KAT6A: variants seen among roughly 807,000 people sequenced by gnomAD.
KAT6A encodes histone acetyltransferase KAT6A.
In KAT6A, 9 loss-of-function variants were observed where a neutral mutation model predicts 198.4. The observed-to-expected ratio is 0.05, with a 90% confidence interval of 0.03 to 0.08. The LOEUF (loss-of-function observed/expected upper bound fraction) is 0.08, where lower values mean the gene tolerates loss of function less well. Ranked by LOEUF, KAT6A falls within the 10% of genes least tolerant of loss-of-function variation. KAT6A has a pLI of 1.00. For synonymous variants in KAT6A, 890 were observed against 883.0 expected (o/e 1.01, Z -0.14); for missense variants, 2,077 against 2,509.9 (o/e 0.83, Z 3.69).
intron 2 of KAT6A, among the ~76,000 whole-genome samples, chr8:42,004,113 T>C (rs1825626613): frequency 6.6e-6 from 1 of 152,234 alleles, no homozygotes; most frequent in Non-Finnish European, 1.5e-5. Flanking sequence ...TGTATAAGGA[T>C]ATTTAGTTAG....
At chr8:42,036,815 A>G (rs1401965351) in intron 2 of KAT6A, among the ~76,000 whole-genome samples, 1 of 152,192 alleles carries the variant, frequency 6.6e-6, no homozygotes, top group Admixed American at 6.5e-5. Flanking sequence ...GAGGGTAAGG[A>G]GAAAGAAAGG....
chr8:41,946,527 C>CAT (rs1393331812), intron 12 of KAT6A, 64 bp downstream of exon 12: 3 of 787,544 alleles, frequency 3.8e-6, no homozygotes, highest in Middle Eastern at 2.7e-4. Flanking sequence ...CACACACACA[C>CAT]ACACACACAC....
intron 2 of KAT6A, among the ~76,000 whole-genome samples, chr8:42,033,511 C>A (rs1027977196): frequency 1.3e-5 from 2 of 152,142 alleles, no homozygotes; most frequent in African/African-American, 2.4e-5. Context: ...TATGTGCATA[C>A]AATGTTTTGC....
intron 5 of KAT6A, 116 bp from the exon 6 acceptor site, chr8:41,978,893 A>T: frequency 2.4e-6 from 2 of 838,078 alleles, no homozygotes; most frequent in Non-Finnish European, 3.7e-6. Flanking sequence ...TCATTAGAAA[A>T]TCTGATGAAT....
rs1329450304 is a variant in KAT6A, at chr8:41,933,108, C to G, written c.5112G>C (p.Gln1704His). The G allele has an allele frequency of 2.6e-5, 33 of 1,275,736 alleles. No individual in the cohort carries two copies. Among genetic ancestry groups the G allele is most frequent in the Non-Finnish European group, 3.4e-5 (32 of 936,436 alleles). The allele number at this position is 1,275,736 out of a possible 1,614,324, so 79.0% of individuals were successfully genotyped here. The change falls in exon 17 of 17, where the codon CAG (glutamine) becomes CAC (histidine). Residue 1704 changes from glutamine (Q) to histidine (H), a missense_variant. Gln to His is a conservative substitution (Grantham distance 24). Transcript: ENST00000265713. This position sits in a 1 kb window ranked among gnomAD's most constrained non-coding sequence, Gnocchi z 6.2. ...PPPQQQPPLS[Q>H]CSMNNSFTPA... The stretch of plus-strand genomic sequence containing the variant: ...GGGTGAAACTGTTATTCATACTACA[C>G]TGTGACAGCGGGGGCTGCTGCTGGG...
chr8:42,023,194 G>C (rs930958563), intron 2 of KAT6A, among the ~76,000 whole-genome samples: 2 of 151,980 alleles, frequency 1.3e-5, no homozygotes, highest in African/African-American at 4.8e-5. Context: ...CACCTGTATG[G>C]GGCACTTACC....
At chr8:42,038,735 C>CT (rs1476334597) in intron 2 of KAT6A, among the ~76,000 whole-genome samples, 1 of 152,128 alleles carries the variant, frequency 6.6e-6, no homozygotes, top group Non-Finnish European at 1.5e-5. Flanking sequence ...AGATACAAGT[C>CT]TTTTTTTCTA....
intron 2 of KAT6A, among the ~76,000 whole-genome samples, chr8:42,028,190 A>T (rs1386966548): frequency 6.6e-6 from 1 of 152,212 alleles, no homozygotes; most frequent in Admixed American, 6.5e-5. Flanking sequence ...TGTGCTGATG[A>T]GAAGAATGTG....
chr8:42,030,433 G>A (rs1827049261), intron 2 of KAT6A, among the ~76,000 whole-genome samples: 1 of 152,130 alleles, frequency 6.6e-6, no homozygotes, highest in Non-Finnish European at 1.5e-5. Flanking sequence ...CTTAAATGCT[G>A]CATTCAAAAT....
In KAT6A at chr8:41,987,407, T is replaced by C. The variant is rs778112878; in HGVS notation, c.709+48A>G. On this transcript the variant is annotated intron_variant, in intron 3 of 16. Coordinates refer to ENST00000265713, the MANE Select transcript of KAT6A (RefSeq NM_006766.5). Reference sequence around the variant, plus strand: ...AAACTCAAGTCAACATACTTTCCGCTTGCCTTCGTAACACATTTTAGAAGA... The same window carrying C: ...AAACTCAAGTCAACATACTTTCCGCCTGCCTTCGTAACACATTTTAGAAGA... The C allele has an allele frequency of 4.5e-6, 5 of 1,115,518 alleles. No individual in the cohort carries two copies. In the Admixed American group the frequency reaches 8.9e-5, roughly 20 times the overall value. The allele number at this position is 1,115,518 out of a possible 1,614,324, so 69.1% of individuals were successfully genotyped here. A position where few individuals can be genotyped will look rare whatever the true frequency, so the allele number is the denominator to read the frequency against.
At chr8:42,046,868 T>C (rs1426012032) in intron 2 of KAT6A, among the ~76,000 whole-genome samples, 1 of 152,224 alleles carries the variant, frequency 6.6e-6, no homozygotes, top group African/African-American at 2.4e-5. Flanking sequence ...CATGACTGTA[T>C]GAGAATCATT....
intron 2 of KAT6A, among the ~76,000 whole-genome samples, chr8:42,039,758 G>T (rs1025698285): frequency 2.6e-4 from 40 of 151,682 alleles, no homozygotes; most frequent in Non-Finnish European, 4.4e-5. Context: ...TTTTGAGACG[G>T]AGTCTCACTC....
In KAT6A at chr8:41,933,230, G is replaced by C. The variant is rs767505687; in HGVS notation, c.4990C>G (p.Pro1664Ala). 1 of 1,546,300 alleles carries C rather than the reference G, an allele frequency of 6.5e-7. No individual in the cohort carries two copies. The highest frequency in any genetic ancestry group is 1.4e-5 in the African/African-American group (1 of 73,624). ...PPPQQPQPPP[P>A]QPQPAPQPPP... ...GGCTGTGGTGCTGGTTGTGGTTGTG[G>C]CGGCGGCGGCTGTGGCTGCTGTGGA... Residue 1664 changes from proline (P) to alanine (A), a missense_variant, in exon 17 of 17, where the codon CCA (proline) becomes GCA (alanine). Coordinates refer to ENST00000265713, the MANE Select transcript of KAT6A (RefSeq NM_006766.5). This position sits in a 1 kb window ranked among gnomAD's most constrained non-coding sequence, Gnocchi z 6.2.
chr8:42,014,062 A>G (rs944057781), intron 2 of KAT6A, among the ~76,000 whole-genome samples: 1 of 152,194 alleles, frequency 6.6e-6, no homozygotes, highest in Non-Finnish European at 1.5e-5. Context: ...TCTGAATTAC[A>G]TATGATTTGC....
chr8:41,969,342 G>A (rs1258459844), intron 8 of KAT6A, among the ~76,000 whole-genome samples: 46 of 152,094 alleles, frequency 3.0e-4, no homozygotes, highest in Admixed American at 3.0e-3. Context: ...CTCTTATCTA[G>A]TCAACATGAA....
intron 4 of KAT6A, among the ~76,000 whole-genome samples, 189 bp from the exon 5 acceptor site, chr8:41,981,116 G>A (rs982445840): frequency 2.0e-5 from 3 of 152,232 alleles, no homozygotes; most frequent in African/African-American, 7.2e-5. Context: ...TCAGGAGTTC[G>A]AGACTAGCCT....
chr8:41,973,443 T>C (rs994480076), intron 8 of KAT6A, among the ~76,000 whole-genome samples: 1 of 151,936 alleles, frequency 6.6e-6, no homozygotes. Context: ...TGGTCTCGAA[T>C]TCCTGACCTC....
chr8:42,028,337 T>C (rs890849764), intron 2 of KAT6A, among the ~76,000 whole-genome samples: 1 of 152,200 alleles, frequency 6.6e-6, no homozygotes, highest in African/African-American at 2.4e-5. Flanking sequence ...AGTGTTGAAG[T>C]CCCCAACTAT....
intron 2 of KAT6A, among the ~76,000 whole-genome samples, chr8:42,046,142 T>A (rs1459488132): frequency 6.6e-6 from 1 of 152,212 alleles, no homozygotes. Context: ...CACTGTACTA[T>A]ATTTACTACC....
Sources: allele counts gnomAD v4.1 joint callset (sites outside exome capture counted in the v4.1 genomes callset), GRCh38; gene constraint gnomAD v4.1.1; non-coding constraint Gnocchi (gnomAD v3.1); transcripts MANE v1.5; gene names NCBI Gene and HGNC (gene_info 2026-07-23, HGNC 2026-07-21).